Variants in GIT2 observed in about 807,000 individuals in gnomAD.
The protein encoded by GIT2 is ARF GTPase-activating protein GIT2.
Under a neutral mutation model 100.3 loss-of-function variants are expected in GIT2, and 32 were observed. The ratio of observed to expected loss-of-function variants is 0.32; its 90% CI spans 0.24 to 0.43. GIT2 has a LOEUF of 0.43. GIT2 is among the 20% of genes least tolerant of loss of function. GIT2 has a pLI of 1.00. For synonymous variants in GIT2, 353 were observed against 364.1 expected, an observed-to-expected ratio of 0.97 and a Z score of 0.35; for missense variants, 737 against 975.1, an observed-to-expected ratio of 0.76 and a Z score of 3.25.
chr12:109,983,346 G>C, intron 6 of GIT2, 27 bp downstream of exon 6: 5 of 1,604,862 alleles, frequency 3.1e-6, no homozygotes, highest in Non-Finnish European at 2.6e-6. Flanking sequence ...ATCCCAGAGA[G>C]AAGTAGCGAG....
At position 109,991,680 on chromosome 12, in the gene GIT2, T is replaced by C. The variant is rs747018566; in HGVS notation, c.133A>G (p.Ile45Val). The C allele has an allele frequency of 1.2e-6, 2 of 1,612,904 alleles. No homozygotes were observed. Among genetic ancestry groups the C allele is most frequent in the Non-Finnish European group, 1.7e-6 (2 of 1,178,900 alleles). The stretch of plus-strand genomic sequence containing the variant: ...TGTTTCAGATGCCTCACTTGGGAGA[T>C]ATGGCGCCCTAGACTCCGATGGACA... ...CSVHRSLGRHISQVRHLKHTP... is the reference protein window; with the variant it reads ...CSVHRSLGRHVSQVRHLKHTP... Residue 45 changes from isoleucine to valine, a missense_variant, in exon 2 of 20, where the codon ATC becomes GTC. Physicochemically the swap from Ile to Val is conservative, Grantham distance 29. This residue lies in a region of GIT2 where 266 missense variants were observed against 376.2 expected (regional missense o/e 0.71). Coordinates refer to ENST00000355312, the MANE Select transcript of GIT2 (RefSeq NM_057169.5).
upstream of GIT2, chr12:109,997,570 GAAGA>G (rs774562473): frequency 1.3e-5 from 2 of 152,128 alleles, no homozygotes; most frequent in Non-Finnish European, 2.9e-5. Context: ...TGAAAATGAA[GAAGA>G]GAGAGAGGGA....
intron 12 of GIT2, 28 bp downstream of exon 12, chr12:109,959,819 G>T: frequency 2.2e-6 from 3 of 1,343,566 alleles, no homozygotes; most frequent in Middle Eastern, 1.8e-4. Flanking sequence ...GCCAAAAAAT[G>T]CAAGTGTTTG....
chr12:109,948,718 T>G lies in GIT2; in HGVS notation c.1393-1214A>C. ...GCAACTGTTTGCACCAGAAGATCATTACTTTTTCAGTAGCAAACCCATTCA... is the reference window on the plus strand; with the variant it reads ...GCAACTGTTTGCACCAGAAGATCATGACTTTTTCAGTAGCAAACCCATTCA... On this transcript the variant is annotated intron_variant, in intron 14 of 19. Coordinates refer to ENST00000355312, the MANE Select transcript of GIT2 (RefSeq NM_057169.5). The surrounding 1 kb of genome is among the most constrained non-coding windows in gnomAD (Gnocchi z 4.3). The G allele has an allele frequency of 6.7e-7, 1 of 1,495,862 alleles. No homozygotes were observed. The highest frequency in any genetic ancestry group is 8.9e-7 in the Non-Finnish European group (1 of 1,127,910). 92.7% of individuals were successfully genotyped at this position (1,495,862 alleles called of 1,614,324 possible). A position where few individuals can be genotyped will look rare whatever the true frequency, so the allele number is the denominator to read the frequency against.
upstream of GIT2, chr12:109,997,397 CA>C (rs1889597519): frequency 6.6e-6 from 1 of 151,908 alleles, no homozygotes; most frequent in Non-Finnish European, 1.5e-5. Flanking sequence ...TCAACAACAA[CA>C]ACAAAAATAA....
chr12:109,968,331 C>T (rs1282248850), intron 7 of GIT2, among the ~76,000 whole-genome samples: 1 of 151,832 alleles, frequency 6.6e-6, no homozygotes, highest in Non-Finnish European at 1.5e-5. Context: ...CGCTTGTCTT[C>T]ATGTGATTTT....
At chr12:109,997,782 A>G (rs1889660193), upstream of GIT2, 1 of 152,236 alleles carries the variant, frequency 6.6e-6, no homozygotes, top group Non-Finnish European at 1.5e-5. Flanking sequence ...GTTTTTCTTC[A>G]TATGCGTGGA....
chr12:109,997,526 A>C (rs1358721471), upstream of GIT2: 1 of 152,226 alleles, frequency 6.6e-6, no homozygotes, highest in Non-Finnish European at 1.5e-5. Context: ...TTGCTACTTA[A>C]GAATGATTTT....
chr12:109,953,220 T>G lies in GIT2; in HGVS notation c.1114A>C (p.Ile372Leu). 1 of 1,613,962 alleles carries G rather than the reference T, an allele frequency of 6.2e-7. No homozygotes were observed. Among genetic ancestry groups the G allele is most frequent in the Non-Finnish European group, 8.5e-7 (1 of 1,179,796 alleles). The part of the protein sequence containing the change: ...LSGSKDNVEL[I>L]LKTINNQHSV... ...TGCTGGTTATTGATGGTTTTCAGTA[T>G]GAGCTCCACATTGTCTATCAATAAA... The change falls in exon 13 of 20, where the codon ATA becomes CTA. Residue 372 changes from isoleucine to leucine, a missense_variant. By Grantham distance (5) the Ile-to-Leu change is conservative (BLOSUM62 2). Coordinates refer to ENST00000355312, the MANE Select transcript of GIT2 (RefSeq NM_057169.5).
Position 109,932,747 on chromosome 12 carries a change from A to C in GIT2, c.*231T>G. ...GATCAACTCAACAGTTGTTGACAACACAACCGAACATCAGAAACTAAACCA... is the reference window on the plus strand; with the variant it reads ...GATCAACTCAACAGTTGTTGACAACCCAACCGAACATCAGAAACTAAACCA... On this transcript the variant is annotated 3_prime_UTR_variant, in exon 20 of 20. Coordinates refer to ENST00000355312, the MANE Select transcript of GIT2 (RefSeq NM_057169.5). 2.0e-6 allele frequency: 1 copy of C among 493,096 alleles called. No homozygotes were observed. Among genetic ancestry groups the C allele is most frequent in the Non-Finnish European group, 3.7e-6 (1 of 272,616 alleles). 30.5% of individuals were successfully genotyped at this position (493,096 alleles called of 1,614,324 possible). A position where few individuals can be genotyped will look rare whatever the true frequency, so the allele number is the denominator to read the frequency against.
chr12:109,947,449 A>G lies in GIT2; in HGVS notation c.1448T>C (p.Val483Ala), dbSNP rs1876653199. 1 of 1,613,442 alleles carries G rather than the reference A, an allele frequency of 6.2e-7. No homozygotes were observed. The highest frequency in any genetic ancestry group is 8.5e-7 in the Non-Finnish European group (1 of 1,179,462). The change falls in exon 15 of 20, where the codon GTA (valine) becomes GCA (alanine). Residue 483 changes from valine to alanine, a missense_variant. Transcript: ENST00000355312. The surrounding 1 kb of genome is among the most constrained non-coding windows in gnomAD (Gnocchi z 4.3). Reference protein sequence around the residue: ...SNLRKQATTNVYQVQTGSEYT... With the variant: ...SNLRKQATTNAYQVQTGSEYT... ...CTCAGAACCAGTTTGCACCTGATAT[A>G]CATTGGTTGTGGCCTGTTTCCTGAG...
In GIT2 at chr12:109,932,454, T is replaced by G. The variant is rs1278865316; in HGVS notation, c.*524A>C. 6.5e-6 allele frequency: 1 copy of G among 153,890 alleles called. No individual in the cohort carries two copies. The highest frequency in any genetic ancestry group is 2.4e-5 in the African/African-American group (1 of 41,438). 9.5% of individuals were successfully genotyped at this position (153,890 alleles called of 1,614,324 possible). A position where few individuals can be genotyped will look rare whatever the true frequency, so the allele number is the denominator to read the frequency against. On this transcript the variant is annotated 3_prime_UTR_variant, in exon 20 of 20. Coordinates refer to ENST00000355312, the MANE Select transcript of GIT2 (RefSeq NM_057169.5). Reference sequence around the variant, plus strand: ...CTCCCAAGAGAGACTGTGACACTAGTTTTAAAAAGCGGCAAAGTCCTTTCT... The same window carrying G: ...CTCCCAAGAGAGACTGTGACACTAGGTTTAAAAAGCGGCAAAGTCCTTTCT...
chr12:109,980,266 C>T (rs547687346), intron 7 of GIT2, among the ~76,000 whole-genome samples: 46 of 152,266 alleles, frequency 3.0e-4, no homozygotes, highest in African/African-American at 1.1e-3. Context: ...CGGAGTCTCA[C>T]CCCTCTTGCC....
At chr12:109,967,597 G>A (rs1421971600) in intron 7 of GIT2, 94 bp from the exon 8 acceptor site, 11 of 895,742 alleles carry the variant, frequency 1.2e-5, no homozygotes, top group Middle Eastern at 3.0e-4. Flanking sequence ...TAAGTTTTGC[G>A]ATTAGTATTT....
chr12:109,994,245 T>G (rs553714121), intron 1 of GIT2, among the ~76,000 whole-genome samples: 1 of 152,276 alleles, frequency 6.6e-6, no homozygotes, highest in African/African-American at 2.4e-5. Context: ...GAAAGAATAT[T>G]AGAATGTTAA....
chr12:109,953,334 T>A, intron 12 of GIT2, 100 bp from the exon 13 acceptor site: 3 of 1,150,356 alleles, frequency 2.6e-6, no homozygotes, highest in Non-Finnish European at 3.8e-6. Context: ...TTAAAGGACT[T>A]AAAGGGCTGA....
intron 13 of GIT2, among the ~76,000 whole-genome samples, chr12:109,951,859 G>C (rs1168960699): frequency 5.3e-5 from 8 of 152,352 alleles, no homozygotes; most frequent in Admixed American, 3.3e-4. Flanking sequence ...GGGTAAGCCT[G>C]TGAGTGGGTG....
intron 4 of GIT2, among the ~76,000 whole-genome samples, chr12:109,984,988 G>A (rs1438640454): frequency 6.6e-6 from 1 of 152,096 alleles, no homozygotes; most frequent in Non-Finnish European, 1.5e-5. Context: ...GTGATATACC[G>A]AATTCTGTAC....
rs978666508 is a variant in GIT2 at position 109,948,034 on chromosome 12, T to C, written c.1393-530A>G. On this transcript the variant is annotated intron_variant, in intron 14 of 19. Transcript: ENST00000355312. The surrounding 1 kb of genome is among the most constrained non-coding windows in gnomAD (Gnocchi z 4.3). ...AGCTTGTGAAAAATCAGATCGCCTA[T>C]TGCTTTCCAAAAAGCCAACAAGAAA... is the stretch of plus-strand genomic sequence containing the variant. 4.4e-6 allele frequency: 3 copies of C among 688,794 alleles called. No individual in the cohort carries two copies. The highest frequency in any genetic ancestry group is 6.3e-5 in the Admixed American group (1 of 15,926). The allele number at this position is 688,794 out of a possible 1,614,324, so 42.7% of individuals were successfully genotyped here. A position where few individuals can be genotyped will look rare whatever the true frequency, so the allele number is the denominator to read the frequency against.
Sources: gnomAD v4.1 joint callset for allele counts (sites outside exome capture counted in the v4.1 genomes callset) on GRCh38, gnomAD v4.1.1 for gene constraint, gnomAD v4.1.1 regional missense constraint, Gnocchi (gnomAD v3.1) non-coding constraint, MANE v1.5 for transcripts, NCBI Gene and HGNC (gene_info 2026-07-23, HGNC 2026-07-21) for gene names.